RUBCN: variants seen among roughly 807,000 people sequenced by gnomAD.
RUBCN encodes the protein rubicon autophagy regulator.
In RUBCN, 74 loss-of-function variants were observed where a neutral mutation model predicts 113.2. That is an observed-to-expected ratio of 0.65 (90% CI 0.54 to 0.79). RUBCN has a LOEUF of 0.79. RUBCN is among the 30% of genes least tolerant of loss of function. RUBCN has a pLI of 0.00. For missense variants in RUBCN, 1,109 were observed against 1,251.7 expected (o/e 0.89, Z 1.72); for synonymous variants, 480 against 490.0 (o/e 0.98, Z 0.27).
Position 197,671,660 on chromosome 3 carries a change from C to G in RUBCN, c.*3358G>C, listed in dbSNP as rs1312231892. ...ATGTTGAGAGAGTTGCAGCGTAGAG[C>G]TGGAGCTCCAGTGGGCCAGGAGCAG... On this transcript the variant is annotated 3_prime_UTR_variant, in exon 20 of 20. Transcript: ENST00000296343. 1 of 152,358 alleles carries G rather than the reference C, an allele frequency of 6.6e-6. No homozygotes were observed. The highest frequency in any genetic ancestry group is 2.4e-5 in the African/African-American group (1 of 41,548). The allele number at this position is 152,358 out of a possible 1,614,324, so 9.4% of individuals were successfully genotyped here.
intron 1 of RUBCN, among the ~76,000 whole-genome samples, chr3:197,731,353 T>G (rs1166171066): frequency 6.6e-6 from 1 of 152,240 alleles, no homozygotes; most frequent in Non-Finnish European, 1.5e-5. Context: ...GAAGAATTTT[T>G]CTTAGTACAG....
At position 197,695,924 on chromosome 3, in the gene RUBCN, T is replaced by C; in HGVS notation, c.1415A>G (p.Gln472Arg). ...CTCAGAGAGGTAGCTGATGAGGGAC[T>C]GTCCTTCTGATGGTCTTCGGAACAT... ...EGMFRRPSEG[Q>R]SLISYLSEQD... The change falls in exon 9 of 20, where the codon CAG becomes CGG. Residue 472 changes from glutamine (Q) to arginine (R), a missense_variant. Physicochemically the swap from Gln to Arg is conservative, Grantham distance 43. This residue lies in a region of RUBCN where 736 missense variants were observed against 779.6 expected (regional missense o/e 0.94). Coordinates refer to ENST00000296343, the MANE Select transcript of RUBCN (RefSeq NM_014687.4). The C allele has an allele frequency of 6.2e-7, 1 of 1,614,226 alleles. No individual in the cohort carries two copies. Among genetic ancestry groups the C allele is most frequent in the Non-Finnish European group, 8.5e-7 (1 of 1,180,028 alleles).
intron 11 of RUBCN, among the ~76,000 whole-genome samples, chr3:197,692,579 T>C (rs1197532574): frequency 6.6e-6 from 1 of 151,960 alleles, no homozygotes; most frequent in Non-Finnish European, 1.5e-5. Context: ...TCCAGGTAGT[T>C]AGTGTCAGAG....
chr3:197,701,691 T>C lies in RUBCN; in HGVS notation c.727+17A>G. On this transcript the variant is annotated intron_variant, in intron 6 of 19. Transcript: ENST00000296343. ...GCTGGGGATAAATGTAATGACCACT[T>C]TTTCCTGTCCCCATACCTGAGCCAT... 1 of 1,613,076 alleles carries C rather than the reference T, an allele frequency of 6.2e-7. No homozygotes were observed. The highest frequency in any genetic ancestry group is 8.5e-7 in the Non-Finnish European group (1 of 1,179,064).
rs555656024 is a variant in RUBCN, at chr3:197,675,576, G to C, written c.2647-61C>G. On this transcript the variant is annotated intron_variant, in intron 18 of 19. Coordinates refer to ENST00000296343, the MANE Select transcript of RUBCN (RefSeq NM_014687.4). This position sits in a 1 kb window ranked among gnomAD's most constrained non-coding sequence, Gnocchi z 4.4. ...CGGCACATCAGGAACTGGCACGGGA[G>C]GGTGAACACCGAGGAGGGGAGTGGT... 3.2e-6 allele frequency: 4 copies of C among 1,266,844 alleles called. No homozygotes were observed. The highest frequency in any genetic ancestry group is 4.6e-6 in the Non-Finnish European group (4 of 868,042). The allele number at this position is 1,266,844 out of a possible 1,614,324, so 78.5% of individuals were successfully genotyped here.
chr3:197,749,386 A>C, exon 1 of RUBCN: 2 of 1,184,436 alleles, frequency 1.7e-6, no homozygotes, highest in Non-Finnish European at 2.1e-6. Flanking sequence ...TTTGGAGTTA[A>C]GGTGACGCAG....
In RUBCN at chr3:197,736,702, C is replaced by T; in HGVS notation, c.18G>A (p.Ala6=). 1 of 1,531,680 alleles carries T rather than the reference C, an allele frequency of 6.5e-7. No individual in the cohort carries two copies. Among genetic ancestry groups the T allele is most frequent in the Non-Finnish European group, 8.7e-7 (1 of 1,145,776 alleles). 94.9% of individuals were successfully genotyped at this position (1,531,680 alleles called of 1,614,324 possible). ...CCTCGCCGCCTCCGAGCTCCATTCCCGCGCCCTCCGGCCGCATCCGGGGCG... is the reference window on the plus strand; with the variant it reads ...CCTCGCCGCCTCCGAGCTCCATTCCTGCGCCCTCCGGCCGCATCCGGGGCG... The part of the protein sequence containing the change: MRPEG[A]GMELGGGEER... Residue 6 remains alanine (A), a synonymous_variant, in exon 1 of 20, where the codon GCG becomes GCA. Coordinates refer to ENST00000296343, the MANE Select transcript of RUBCN (RefSeq NM_014687.4).
At chr3:197,704,049 C>A (rs1213574212) in intron 4 of RUBCN, among the ~76,000 whole-genome samples, 1 of 152,150 alleles carries the variant, frequency 6.6e-6, no homozygotes, top group Non-Finnish European at 1.5e-5. Context: ...AGGGGACGAC[C>A]TTAACATAAA....
At chr3:197,694,677 A>G (rs928800286) in intron 9 of RUBCN, 92 bp from the exon 10 acceptor site, 1 of 1,171,548 alleles carries the variant, frequency 8.5e-7, no homozygotes, top group African/African-American at 1.5e-5. Flanking sequence ...CCAAGATAGG[A>G]ACTGTTCCTG....
At chr3:197,695,749 G>T in intron 9 of RUBCN, 117 bp downstream of exon 9, 1 of 924,130 alleles carries the variant, frequency 1.1e-6, no homozygotes, top group Non-Finnish European at 1.8e-6. Context: ...TCCCTTTACC[G>T]TGAACTTATC....
chr3:197,708,739 A>T (rs896873514), intron 2 of RUBCN, among the ~76,000 whole-genome samples: 2 of 152,044 alleles, frequency 1.3e-5, no homozygotes, highest in African/African-American at 4.8e-5. Flanking sequence ...TTGTTCCCAA[A>T]CCTATTCCTG....
chr3:197,711,267 C>T (rs1724936226), intron 2 of RUBCN, among the ~76,000 whole-genome samples: 1 of 152,156 alleles, frequency 6.6e-6, no homozygotes, highest in Admixed American at 6.5e-5. Context: ...AGCACTGTTA[C>T]TAATAGCAAA....
At position 197,681,027 on chromosome 3, in the gene RUBCN, AC is replaced by A; in HGVS notation, c.2430+101del. 1 of 600,168 alleles carries A rather than the reference AC, an allele frequency of 1.7e-6. No homozygotes were observed. Among genetic ancestry groups the A allele is most frequent in the Non-Finnish European group, 3.0e-6 (1 of 335,028 alleles). 37.2% of individuals were successfully genotyped at this position (600,168 alleles called of 1,614,324 possible). ...CGAGGGGAGGGGATGGGGGGAGGGG[AC>A]AAGAGGAGGGGATGGGGGGAGGGGA... On this transcript the variant is annotated intron_variant, in intron 16 of 19. Coordinates refer to ENST00000296343, the MANE Select transcript of RUBCN (RefSeq NM_014687.4). The surrounding 1 kb of genome is among the most constrained non-coding windows in gnomAD (Gnocchi z 5.5).
rs1392580061 is a variant in RUBCN, at chr3:197,736,797, G to A, written c.-78C>T. On this transcript the variant is annotated 5_prime_UTR_variant, in exon 1 of 20. Coordinates refer to ENST00000296343, the MANE Select transcript of RUBCN (RefSeq NM_014687.4). ...CCCTTCAGGGCTCCCGGGGCCCCCT[G>A]GGGCCGGAGGAGGCACCTGCGGCCG... 36 of 1,470,702 alleles carry A rather than the reference G, an allele frequency of 2.4e-5. No homozygotes were observed. The highest frequency in any genetic ancestry group is 3.1e-5 in the Non-Finnish European group (35 of 1,119,266). 91.1% of individuals were successfully genotyped at this position (1,470,702 alleles called of 1,614,324 possible).
rs904321771 is a variant in RUBCN at position 197,673,037 on chromosome 3, A to G, written c.*1981T>C. ...AACTGGAAGTAGAGCTCATTTTTAT[A>G]AACTCCTGGGTCTGAATCTGGGACC... On this transcript the variant is annotated 3_prime_UTR_variant, in exon 20 of 20. Coordinates refer to ENST00000296343, the MANE Select transcript of RUBCN (RefSeq NM_014687.4). 6.6e-6 allele frequency: 1 copy of G among 152,272 alleles called. No homozygotes were observed. Among genetic ancestry groups the G allele is most frequent in the Non-Finnish European group, 1.5e-5 (1 of 68,094 alleles). 9.4% of individuals were successfully genotyped at this position (152,272 alleles called of 1,614,324 possible).
At position 197,729,694 on chromosome 3, in the gene RUBCN, A is replaced by AT. The variant is rs1451653731; in HGVS notation, c.65+6960dup. On this transcript the variant is annotated intron_variant, in intron 1 of 19. Transcript: ENST00000296343. ...CTGCCTAGCCTCCTGAGTAGCTGGG[A>AT]TTACAGGGGTGCACAACCACATCTG... Among the ~76,000 whole-genome samples, 9 of 152,098 alleles carry AT rather than the reference A, an allele frequency of 5.9e-5. 1 individual carries two copies. Among genetic ancestry groups the AT allele is most frequent in the Admixed American group, 5.9e-4 (9 of 15,244 alleles).
Position 197,677,567 on chromosome 3 carries a change from A to G in RUBCN, c.2431-26T>C, listed in dbSNP as rs368260991. ...CTGAAAAGAAAGAGAGGGGGGCAGG[A>G]GTGGGAGGGAGATGTGAGAAGAGGA... On this transcript the variant is annotated intron_variant, in intron 16 of 19. Transcript: ENST00000296343. 2.7e-5 allele frequency: 44 copies of G among 1,607,942 alleles called. No homozygotes were observed. The African/African-American group carries it at 4.0e-4, about 15-fold the overall frequency.
rs768095620 is a variant in RUBCN at position 197,676,348 on chromosome 3, T to C, written c.2646+537A>G. The C allele has an allele frequency of 3.0e-4, 302 of 997,940 alleles. 1 individual carries two copies. The Middle Eastern group carries it at 4.1e-3, about 14-fold the overall frequency. The allele number at this position is 997,940 out of a possible 1,614,324, so 61.8% of individuals were successfully genotyped here. A position where few individuals can be genotyped will look rare whatever the true frequency, so the allele number is the denominator to read the frequency against. On this transcript the variant is annotated intron_variant, in intron 18 of 19. Coordinates refer to ENST00000296343, the MANE Select transcript of RUBCN (RefSeq NM_014687.4). Reference sequence around the variant, plus strand: ...ACAACTGCCTTTTTTTTTTCCACTCTTGTCGCTCAGGCTGGAGTGCAGTGG... The same window carrying C: ...ACAACTGCCTTTTTTTTTTCCACTCCTGTCGCTCAGGCTGGAGTGCAGTGG...
chr3:197,742,515 A>G (rs931126944), intron 1 of RUBCN, among the ~76,000 whole-genome samples: 30 of 152,156 alleles, frequency 2.0e-4, no homozygotes, highest in African/African-American at 7.2e-4. Context: ...TTATTTCTAG[A>G]CTGAGCAAAT....
Sources: allele counts gnomAD v4.1 joint callset (sites outside exome capture counted in the v4.1 genomes callset), GRCh38; gene constraint gnomAD v4.1.1; regional missense constraint gnomAD v4.1.1; non-coding constraint Gnocchi (gnomAD v3.1); transcripts MANE v1.5; gene names NCBI Gene and HGNC (gene_info 2026-07-23, HGNC 2026-07-21).